AKAP6: variants seen among roughly 807,000 people sequenced by gnomAD.
AKAP6 encodes the protein A-kinase anchoring protein 6, also known as A-kinase anchor protein 6.
A neutral mutation model predicts 188.5 loss-of-function variants in AKAP6; 58 were observed. The ratio of observed to expected loss-of-function variants is 0.31; its 90% confidence interval spans 0.25 to 0.38. The LOEUF (loss-of-function observed/expected upper bound fraction) is 0.38. Ranked by LOEUF, AKAP6 falls within the 10% of genes least tolerant of loss-of-function variation. The probability of loss-of-function intolerance (pLI) is 1.00; values close to 1 mark genes in which losing one functional copy is unlikely to be tolerated. For synonymous variants in AKAP6, 989 were observed against 998.6 expected, an observed-to-expected ratio of 0.99 and a Z score of 0.18; for missense variants, 2,710 against 2,740.0, an observed-to-expected ratio of 0.99 and a Z score of 0.24.
intron 7 of AKAP6, among the ~76,000 whole-genome samples, chr14:32,634,367 T>G (rs1255218226): frequency 6.6e-6 from 1 of 152,106 alleles, no homozygotes; most frequent in Non-Finnish European, 1.5e-5. Context: ...CTGGAATGCT[T>G]TTTTGCCTTC....
At chr14:32,575,356 A>G in intron 4 of AKAP6, among the ~76,000 whole-genome samples, 1 of 152,170 alleles carries the variant, frequency 6.6e-6, no homozygotes, top group South Asian at 2.1e-4. Context: ...AAATTCACTT[A>G]GTAAGGGAAT....
At chr14:32,738,229 A>G (rs1428862850) in intron 11 of AKAP6, among the ~76,000 whole-genome samples, 3 of 152,144 alleles carry the variant, frequency 2.0e-5, no homozygotes, top group Admixed American at 6.6e-5. Context: ...CTACTTTTTA[A>G]TGATGACCCT....
chr14:32,353,123 C>T (rs1228704249), intron 1 of AKAP6, among the ~76,000 whole-genome samples: 1 of 152,076 alleles, frequency 6.6e-6, no homozygotes. Context: ...CCACCAGTGG[C>T]TGGCACTTAC....
chr14:32,798,823 A>G (rs1184425892), intron 12 of AKAP6, among the ~76,000 whole-genome samples: 1 of 152,152 alleles, frequency 6.6e-6, no homozygotes, highest in South Asian at 2.1e-4. Context: ...ATCCTGCAAC[A>G]TGCAATTTAA....
In AKAP6 at chr14:32,575,256, A is replaced by T. The variant is rs1884665156; in HGVS notation, c.2347-1864A>T. 2.0e-5 allele frequency among the ~76,000 whole-genome samples: 3 copies of T among 152,310 alleles called. No homozygotes were observed. The South Asian group carries it at 6.2e-4, about 32-fold the overall frequency. ...CCCTGAAGATAGGAGAAGGGGCAAA[A>T]TGAATGATCTTGCATGGATTCTTGG... On this transcript the variant is annotated intron_variant, in intron 4 of 13. Coordinates refer to ENST00000280979, the MANE Select transcript of AKAP6 (RefSeq NM_004274.5).
chr14:32,550,208 T>C (rs1007292177), intron 4 of AKAP6, among the ~76,000 whole-genome samples: 1 of 152,210 alleles, frequency 6.6e-6, no homozygotes, highest in Non-Finnish European at 1.5e-5. Flanking sequence ...GCAGCTAGGT[T>C]TTCAGCATCT....
intron 5 of AKAP6, among the ~76,000 whole-genome samples, chr14:32,595,101 T>C (rs766208785): frequency 2.0e-5 from 3 of 152,140 alleles, no homozygotes; most frequent in Non-Finnish European, 2.9e-5. Context: ...CGCAGAAACA[T>C]CTGGCCTGTA....
At chr14:32,585,973 T>A (rs2139301337) in intron 5 of AKAP6, among the ~76,000 whole-genome samples, 1 of 152,172 alleles carries the variant, frequency 6.6e-6, no homozygotes, top group South Asian at 2.1e-4. Context: ...CTGGGGGCAA[T>A]GGGGACTCAT....
At chr14:32,511,291 G>T (rs970506761) in intron 2 of AKAP6, among the ~76,000 whole-genome samples, 1 of 152,008 alleles carries the variant, frequency 6.6e-6, no homozygotes, top group African/African-American at 2.4e-5. Flanking sequence ...TTCCAAAGAG[G>T]CAAGATCTTT....
chr14:32,348,684 A>T (rs1887158792), intron 1 of AKAP6, among the ~76,000 whole-genome samples: 1 of 152,042 alleles, frequency 6.6e-6, no homozygotes, highest in South Asian at 2.1e-4. Context: ...AAGTGCTGGG[A>T]TTATAGGCAT....
intron 4 of AKAP6, among the ~76,000 whole-genome samples, chr14:32,549,292 A>G (rs1883347098): frequency 6.6e-6 from 1 of 152,212 alleles, no homozygotes; most frequent in Non-Finnish European, 1.5e-5. Context: ...AGTAGTAATA[A>G]TATCAGTGGA....
rs1372257158 is a variant in AKAP6, at chr14:32,779,328, T to A, written c.3588+5435T>A. ...AGGAGGCTCAGGTGGGAGGATCACT[T>A]GAGCCCAGGAGGTTGAGGCTACCAT... On this transcript the variant is annotated intron_variant, in intron 12 of 13. Transcript: ENST00000280979. Among the ~76,000 whole-genome samples, 3 of 148,236 alleles carry A rather than the reference T, an allele frequency of 2.0e-5. No homozygotes were observed. The East Asian group carries it at 6.0e-4, about 30-fold the overall frequency.
At chr14:32,819,510 C>G (rs1401936724) in intron 12 of AKAP6, among the ~76,000 whole-genome samples, 1 of 152,122 alleles carries the variant, frequency 6.6e-6, no homozygotes, top group Non-Finnish European at 1.5e-5. Flanking sequence ...TGTGTGATAC[C>G]TCTGTCTTTC....
chr14:32,655,492 G>T (rs1201738117), intron 7 of AKAP6, among the ~76,000 whole-genome samples: 1 of 152,196 alleles, frequency 6.6e-6, no homozygotes, highest in East Asian at 1.9e-4. Context: ...ACTTTAAGAA[G>T]CTCATAATTT....
intron 1 of AKAP6, among the ~76,000 whole-genome samples, chr14:32,427,924 A>T (rs1056564659): frequency 1.3e-5 from 2 of 152,214 alleles, no homozygotes; most frequent in Non-Finnish European, 2.9e-5. Flanking sequence ...TTATGCTTTA[A>T]TCACTTGCTT....
rs182314154 is a variant in AKAP6, at chr14:32,646,695, C to T, written c.2731-31616C>T. On this transcript the variant is annotated intron_variant, in intron 7 of 13. Transcript: ENST00000280979. ...TAGGGAACCTTCAATGAATGTCATT[C>T]GGGCTTCATATGTCTTTCTTTTCTC... 1.2e-4 allele frequency among the ~76,000 whole-genome samples: 19 copies of T among 152,202 alleles called. No homozygotes were observed. In the East Asian group the frequency reaches 2.1e-3, roughly 17 times the overall value.
chr14:32,670,096 C>T (rs1429758739), intron 7 of AKAP6, among the ~76,000 whole-genome samples: 1 of 54,798 alleles, frequency 1.8e-5, no homozygotes, highest in Non-Finnish European at 3.8e-5. Flanking sequence ...GACTCTGTCT[C>T]AAAAAAAAAA....
chr14:32,618,406 AC>A (rs1178995391), intron 7 of AKAP6, among the ~76,000 whole-genome samples: 1 of 152,148 alleles, frequency 6.6e-6, no homozygotes, highest in African/African-American at 2.4e-5. Flanking sequence ...GCCTTTGCAT[AC>A]CCATAGCTTA....
At chr14:32,371,255 G>A (rs1887997326) in intron 1 of AKAP6, among the ~76,000 whole-genome samples, 1 of 152,158 alleles carries the variant, frequency 6.6e-6, no homozygotes, top group Admixed American at 6.5e-5. Context: ...ATCTTTCTGA[G>A]AAAAGGATAG....
Sources: gnomAD v4.1 joint callset for allele counts (sites outside exome capture counted in the v4.1 genomes callset) on GRCh38, gnomAD v4.1.1 for gene constraint, MANE v1.5 for transcripts, NCBI Gene and HGNC (gene_info 2026-07-23, HGNC 2026-07-21) for gene names.